PCSK2: variants seen among roughly 807,000 people sequenced by gnomAD.
PCSK2 encodes proprotein convertase subtilisin/kexin type 2.
A neutral mutation model predicts 69.7 loss-of-function variants in PCSK2; 14 were observed. That is an observed-to-expected ratio of 0.20 (90% confidence interval 0.13 to 0.31). The LOEUF is 0.31. PCSK2 is among the 10% of genes least tolerant of loss of function. The pLI, the probability that PCSK2 is intolerant of heterozygous loss-of-function variation, is 1.00. For missense variants in PCSK2, 544 were observed against 842.5 expected, an observed-to-expected ratio of 0.65 and a Z score of 4.39; for synonymous variants, 307 against 320.7, an observed-to-expected ratio of 0.96 and a Z score of 0.46.
At chr20:17,234,615 A>G (rs951321673) in intron 1 of PCSK2, among the ~76,000 whole-genome samples, 10 of 152,224 alleles carry the variant, frequency 6.6e-5, no homozygotes, top group Non-Finnish European at 1.3e-4. Flanking sequence ...TAAAGTCTGC[A>G]GTTACAACCT....
intron 2 of PCSK2, among the ~76,000 whole-genome samples, chr20:17,316,693 A>G (rs2123122357): frequency 6.6e-6 from 1 of 152,344 alleles, no homozygotes; most frequent in South Asian, 2.1e-4. Flanking sequence ...GTGCTTGATC[A>G]TTAAGCTAAT....
intron 2 of PCSK2, among the ~76,000 whole-genome samples, chr20:17,262,360 C>T (rs991103265): frequency 6.6e-6 from 1 of 152,058 alleles, no homozygotes; most frequent in Non-Finnish European, 1.5e-5. Context: ...TATCCTATAT[C>T]TTTTCCCTAT....
At chr20:17,279,452 A>AT (rs35736686) in intron 2 of PCSK2, among the ~76,000 whole-genome samples, 6 of 151,848 alleles carry the variant, frequency 4.0e-5, no homozygotes, top group East Asian at 1.9e-4. Context: ...GTTTAAGTTC[A>AT]TTTTTTTCCA....
At position 17,227,212 on chromosome 20, in the gene PCSK2, A is replaced by G. The variant is rs568817417; in HGVS notation, c.-94A>G. The G allele has an allele frequency of 6.6e-5, 54 of 812,544 alleles. No homozygotes were observed. The Admixed American group carries it at 8.4e-4, about 13-fold the overall frequency. The allele number at this position is 812,544 out of a possible 1,614,324, so 50.3% of individuals were successfully genotyped here. A position where few individuals can be genotyped will look rare whatever the true frequency, so the allele number is the denominator to read the frequency against. ...CTATACAAAGATTTTTTTAAAAACT[A>G]TATATAAGAATTCTTTATTTGCACC... On this transcript the variant is annotated 5_prime_UTR_variant, in exon 1 of 12. Transcript: ENST00000262545.
At chr20:17,364,504 A>G (rs188023206) in intron 4 of PCSK2, among the ~76,000 whole-genome samples, 1 of 152,312 alleles carries the variant, frequency 6.6e-6, no homozygotes, top group East Asian at 1.9e-4. Flanking sequence ...CTTACATGGC[A>G]GCAGGCAAGA....
chr20:17,455,826 T>A (rs921120994), intron 9 of PCSK2, among the ~76,000 whole-genome samples: 3 of 152,246 alleles, frequency 2.0e-5, no homozygotes, highest in African/African-American at 7.2e-5. Flanking sequence ...TATAACTGAC[T>A]ATATATCCCC....
chr20:17,413,047 G>T (rs1403562127), intron 6 of PCSK2, among the ~76,000 whole-genome samples: 1 of 152,154 alleles, frequency 6.6e-6, no homozygotes, highest in African/African-American at 2.4e-5. Context: ...AACATGGAAA[G>T]GAACAACCAG....
Position 17,368,483 on chromosome 20 carries a change from G to T in PCSK2, c.506-757G>T, listed in dbSNP as rs540002874. 1.4e-4 allele frequency among the ~76,000 whole-genome samples: 22 copies of T among 152,268 alleles called. No individual in the cohort carries two copies. In the South Asian group the frequency reaches 2.3e-3, roughly 16 times the overall value. The stretch of plus-strand genomic sequence containing the variant: ...AAGAACCTGCCCTGTTTCTTGGAGG[G>T]TTAGATGCTCAGGTGTAACTGCTGC... On this transcript the variant is annotated intron_variant, in intron 4 of 11. Coordinates refer to ENST00000262545, the MANE Select transcript of PCSK2 (RefSeq NM_002594.5).
chr20:17,442,282 G>A (rs2032614177), intron 8 of PCSK2, among the ~76,000 whole-genome samples: 1 of 151,848 alleles, frequency 6.6e-6, no homozygotes, highest in Middle Eastern at 3.4e-3. Flanking sequence ...AGTGTCAGCA[G>A]GGTTGGCTGA....
At chr20:17,340,803 T>A (rs1295108152) in intron 2 of PCSK2, among the ~76,000 whole-genome samples, 1 of 152,216 alleles carries the variant, frequency 6.6e-6, no homozygotes, top group Non-Finnish European at 1.5e-5. Context: ...GCTTCTTTTT[T>A]CTGGCTTACT....
intron 5 of PCSK2, among the ~76,000 whole-genome samples, chr20:17,405,100 T>C (rs1001116743): frequency 2.6e-5 from 4 of 152,168 alleles, no homozygotes; most frequent in African/African-American, 9.7e-5. Flanking sequence ...CAGCTTACAT[T>C]CCTTGTTTCA....
intron 5 of PCSK2, among the ~76,000 whole-genome samples, chr20:17,386,536 C>A (rs1213226465): frequency 6.6e-6 from 1 of 152,040 alleles, no homozygotes; most frequent in African/African-American, 2.4e-5. Context: ...ATAAGCTAGT[C>A]ATAAAAAGAC....
At chr20:17,254,603 A>C (rs539543631) in intron 1 of PCSK2, among the ~76,000 whole-genome samples, 39 of 152,160 alleles carry the variant, frequency 2.6e-4, no homozygotes, top group Non-Finnish European at 4.1e-4. Context: ...TGATTACTTT[A>C]GCTTTGAAGA....
chr20:17,231,174 G>C (rs983273493), intron 1 of PCSK2, among the ~76,000 whole-genome samples: 1 of 152,206 alleles, frequency 6.6e-6, no homozygotes, highest in African/African-American at 2.4e-5. Context: ...TGTGTTTTAT[G>C]TTTTATCCAC....
intron 1 of PCSK2, among the ~76,000 whole-genome samples, chr20:17,247,598 C>T (rs778280584): frequency 4.6e-5 from 7 of 152,148 alleles, no homozygotes; most frequent in African/African-American, 1.2e-4. Context: ...GAGTCTGATC[C>T]GGGAAGCCTT....
intron 2 of PCSK2, among the ~76,000 whole-genome samples, chr20:17,296,180 C>T (rs1407218238): frequency 1.3e-5 from 2 of 152,160 alleles, no homozygotes; most frequent in African/African-American, 4.8e-5. Flanking sequence ...AAAGCAGGCT[C>T]CCTTGGGCCA....
intron 1 of PCSK2, among the ~76,000 whole-genome samples, chr20:17,227,765 A>T (rs1985986449): frequency 6.6e-6 from 1 of 152,284 alleles, no homozygotes; most frequent in East Asian, 1.9e-4. Flanking sequence ...TGCTCCGGGG[A>T]TGCTGTCCGA....
rs187087330 is a variant in PCSK2, at chr20:17,275,003, C to T, written c.282+14659C>T. Among the ~76,000 whole-genome samples the T allele has an allele frequency of 8.3e-3, 1,247 of 150,856 alleles. 7 individuals carry two copies. The highest frequency in any genetic ancestry group is 0.012 in the Non-Finnish European group (835 of 67,810). ...GTGGTGTTTATATTTAACTCGTAAA[C>T]TTGTCTTAGTTTTATAGTTGTATAG... On this transcript the variant is annotated intron_variant, in intron 2 of 11. Transcript: ENST00000262545.
intron 2 of PCSK2, 115 bp downstream of exon 2, chr20:17,260,459 A>G (rs776436291): frequency 2.9e-6 from 2 of 699,410 alleles, no homozygotes; most frequent in African/African-American, 3.5e-5. Flanking sequence ...ATGTACTATG[A>G]TAGGGCAAAT....
Sources: gnomAD v4.1 joint callset for allele counts (sites outside exome capture counted in the v4.1 genomes callset) on GRCh38, gnomAD v4.1.1 for gene constraint, MANE v1.5 for transcripts, NCBI Gene and HGNC (gene_info 2026-07-23, HGNC 2026-07-21) for gene names.